The following MAP3K20 variants were observed in gnomAD, a reference collection of about 807,000 sequenced individuals.
MAP3K20 encodes the protein HCCS-4.
MAP3K20 carries 40 observed loss-of-function variants against 85.7 expected under a neutral mutation model. That is an observed-to-expected ratio of 0.47 (90% CI 0.36 to 0.61). The LOEUF is 0.61. Ranked by LOEUF, MAP3K20 falls within the 20% of genes least tolerant of loss-of-function variation. The probability of loss-of-function intolerance (pLI) is 0.00; values close to 1 mark genes in which losing one functional copy is unlikely to be tolerated. For synonymous variants in MAP3K20, 325 were observed against 327.7 expected (o/e 0.99, Z 0.09); for missense variants, 817 against 961.7 (o/e 0.85, Z 1.99).
rs1387722855 is a variant in MAP3K20, at chr2:173,105,331, G to A, written c.159+14141G>A. On this transcript the variant is annotated intron_variant, in intron 2 of 19. Coordinates refer to ENST00000375213, the MANE Select transcript of MAP3K20 (RefSeq NM_016653.3). ...TTTGCTCACTGATTGGCCATGGGCTGTGAAAATAATCAAGGACGTCTCAGA... is the reference window on the plus strand; with the variant it reads ...TTTGCTCACTGATTGGCCATGGGCTATGAAAATAATCAAGGACGTCTCAGA... 2.6e-5 allele frequency among the ~76,000 whole-genome samples: 4 copies of A among 152,194 alleles called. No individual in the cohort carries two copies. In the East Asian group the frequency reaches 5.8e-4, roughly 22 times the overall value.
At chr2:173,201,656 A>G (rs925315460) in intron 8 of MAP3K20, among the ~76,000 whole-genome samples, 2 of 152,198 alleles carry the variant, frequency 1.3e-5, no homozygotes, top group Non-Finnish European at 2.9e-5. Flanking sequence ...ACTTTTATTT[A>G]AAAATATTTG....
At chr2:173,257,754 T>C (rs1020677246) in intron 16 of MAP3K20, among the ~76,000 whole-genome samples, 57 of 152,304 alleles carry the variant, frequency 3.7e-4, no homozygotes, top group Middle Eastern at 6.8e-3. Flanking sequence ...ATTGTACCAT[T>C]TACATTCCCA....
intron 2 of MAP3K20, among the ~76,000 whole-genome samples, chr2:173,158,879 G>A (rs1234809924): frequency 2.0e-5 from 3 of 152,226 alleles, no homozygotes; most frequent in South Asian, 2.1e-4. Context: ...TGTGACTCCA[G>A]AGGCTGTCCT....
intron 2 of MAP3K20, among the ~76,000 whole-genome samples, chr2:173,092,928 G>T (rs1687342436): frequency 1.3e-5 from 2 of 152,026 alleles, no homozygotes; most frequent in Non-Finnish European, 2.9e-5. Context: ...TAACATGAAT[G>T]TAGGTAATTC....
At chr2:173,138,526 A>G (rs1392673442) in intron 2 of MAP3K20, among the ~76,000 whole-genome samples, 1 of 152,156 alleles carries the variant, frequency 6.6e-6, no homozygotes. Context: ...GAAATCGAAT[A>G]CAATACACAA....
At chr2:173,213,046 TATAAA>T (rs1683959632) in intron 10 of MAP3K20, among the ~76,000 whole-genome samples, 1 of 152,094 alleles carries the variant, frequency 6.6e-6, no homozygotes, top group Non-Finnish European at 1.5e-5. Context: ...TTCTATTTTT[TATAAA>T]ATAAATATAT....
chr2:173,182,021 T>C (rs1690346385), intron 3 of MAP3K20, among the ~76,000 whole-genome samples: 1 of 152,000 alleles, frequency 6.6e-6, no homozygotes, highest in South Asian at 2.1e-4. Context: ...AAGGCTGCAG[T>C]AAGCTGTGAT....
At chr2:173,211,291 G>A (rs1683884330) in intron 10 of MAP3K20, 1 of 152,158 alleles carries the variant, frequency 6.6e-6, no homozygotes, top group South Asian at 2.1e-4. Context: ...GAATACTTAA[G>A]AAGACTCACC....
intron 3 of MAP3K20, among the ~76,000 whole-genome samples, chr2:173,179,790 A>G (rs1690272936): frequency 6.6e-6 from 1 of 152,066 alleles, no homozygotes; most frequent in South Asian, 2.1e-4. Context: ...AGGATGCAAG[A>G]TCAGCATTTA....
At chr2:173,186,679 A>G (rs1245096921) in intron 4 of MAP3K20, among the ~76,000 whole-genome samples, 2 of 152,130 alleles carry the variant, frequency 1.3e-5, no homozygotes, top group East Asian at 3.8e-4. Flanking sequence ...GGGGGAGGCT[A>G]TTTCTGCCAT....
intron 1 of MAP3K20, among the ~76,000 whole-genome samples, chr2:173,079,481 ATAAAT>A (rs1411563192): frequency 6.6e-6 from 1 of 152,140 alleles, no homozygotes; most frequent in African/African-American, 2.4e-5. Flanking sequence ...TTCTTCAATA[ATAAAT>A]TAACCTTAGC....
At chr2:173,249,764 C>T (rs775024859) in intron 16 of MAP3K20, among the ~76,000 whole-genome samples, 2 of 152,128 alleles carry the variant, frequency 1.3e-5, no homozygotes, top group Non-Finnish European at 2.9e-5. Context: ...TCATGAAGAC[C>T]TAGTACTTTC....
In MAP3K20 at chr2:173,186,951, G is replaced by C. The variant is rs528239891; in HGVS notation, c.350-607G>C. Among the ~76,000 whole-genome samples the C allele has an allele frequency of 2.6e-5, 4 of 152,266 alleles. No individual in the cohort carries two copies. In the South Asian group the frequency reaches 8.3e-4, roughly 32 times the overall value. On this transcript the variant is annotated intron_variant, in intron 4 of 19. Transcript: ENST00000375213. ...CCTTGTAAAAGGAATGAAATACTTT[G>C]TAACTACTGTATACTTTTTTATCTG...
intron 4 of MAP3K20, 106 bp from the exon 5 acceptor site, chr2:173,187,452 A>G: frequency 3.5e-6 from 3 of 850,542 alleles, no homozygotes; most frequent in Admixed American, 5.4e-5. Flanking sequence ...AGAATAAGAC[A>G]TGTGAATTAG....
At chr2:173,223,451 T>A in intron 11 of MAP3K20, 7 of 985,376 alleles carry the variant, frequency 7.1e-6, no homozygotes, top group Non-Finnish European at 8.4e-6. Context: ...TTAGCTACTA[T>A]GAATGGTGCC....
chr2:173,209,716 TTC>T lies in MAP3K20; in HGVS notation c.745-9_745-8del. On this transcript the variant is annotated splice_polypyrimidine_tract_variant and intron_variant, in intron 9 of 19. Coordinates refer to ENST00000375213, the MANE Select transcript of MAP3K20 (RefSeq NM_016653.3). ...AAGTCCCAGCGAATGATTACTTATT[TTC>T]TCTTCTTCAGAAACGGCCATCATTC... 1 of 1,598,290 alleles carries T rather than the reference TTC, an allele frequency of 6.3e-7. No homozygotes were observed. The highest frequency in any genetic ancestry group is 8.5e-7 in the Non-Finnish European group (1 of 1,171,752).
Position 173,258,725 on chromosome 2 carries a change from G to A in MAP3K20, c.1386G>A (p.Glu462=), listed in dbSNP as rs574631038. ...PQDCKWKMYM[E]MDGDEIAITY... is the part of the protein sequence containing the mutation. ...ATTGTAAGTGGAAAATGTATATGGA[G>A]ATGGATGGGGATGAAATTGCAATAA... Residue 462 remains glutamate, a synonymous_variant, in exon 17 of 20, where the codon GAG becomes GAA. Coordinates refer to ENST00000375213, the MANE Select transcript of MAP3K20 (RefSeq NM_016653.3). 6.2e-7 allele frequency: 1 copy of A among 1,610,388 alleles called. No homozygotes were observed.
intron 18 of MAP3K20, among the ~76,000 whole-genome samples, chr2:173,263,401 G>A (rs1300022923): frequency 1.3e-5 from 2 of 152,076 alleles, no homozygotes; most frequent in Non-Finnish European, 2.9e-5. Flanking sequence ...TAAACAAAGA[G>A]GTAAGTTGAG....
At chr2:173,095,392 A>T (rs1005259621) in intron 2 of MAP3K20, among the ~76,000 whole-genome samples, 2 of 145,224 alleles carry the variant, frequency 1.4e-5, no homozygotes, top group African/African-American at 2.4e-5. Context: ...GGGTACTAGG[A>T]TTGTTTACTT....
Sources: gnomAD v4.1 joint callset for allele counts (sites outside exome capture counted in the v4.1 genomes callset) on GRCh38, gnomAD v4.1.1 for gene constraint, MANE v1.5 for transcripts, NCBI Gene and HGNC (gene_info 2026-07-23, HGNC 2026-07-21) for gene names.